The following PRKG1 variants were observed in gnomAD, a reference collection of about 807,000 sequenced individuals.
PRKG1 encodes the protein protein kinase cGMP-dependent 1, also known as cGMP-dependent protein kinase 1.
PRKG1 carries 35 observed loss-of-function variants against 88.1 expected under a neutral mutation model. The observed-to-expected ratio is 0.40, with a 90% CI of 0.30 to 0.53. The LOEUF is 0.53. Among genes scored for constraint, PRKG1 ranks in the 20% least tolerant of loss-of-function variants. The probability of loss-of-function intolerance (pLI) is 0.59; values close to 1 mark genes in which losing one functional copy is unlikely to be tolerated. For synonymous variants in PRKG1, 303 were observed against 292.5 expected, an observed-to-expected ratio of 1.04 and a Z score of -0.37; for missense variants, 540 against 839.8, an observed-to-expected ratio of 0.64 and a Z score of 4.41.
chr10:51,798,988 T>A (rs556250477), intron 3 of PRKG1, among the ~76,000 whole-genome samples: 6 of 152,168 alleles, frequency 3.9e-5, no homozygotes, highest in Admixed American at 1.3e-4. Context: ...TCCTATCTGT[T>A]TAAGATCCTT....
chr10:51,094,221 G>C (rs1844468987), intron 1 of PRKG1, among the ~76,000 whole-genome samples: 1 of 151,698 alleles, frequency 6.6e-6, no homozygotes, highest in South Asian at 2.1e-4. Context: ...ATATATATAT[G>C]TATATATATT....
chr10:52,171,969 A>AT (rs549486089), intron 9 of PRKG1, among the ~76,000 whole-genome samples: 64 of 150,056 alleles, frequency 4.3e-4, no homozygotes, highest in African/African-American at 1.5e-3. Flanking sequence ...CGCCCGGCTA[A>AT]TTTTTTGTAT....
At chr10:51,286,864 T>C (rs1840453958) in intron 2 of PRKG1, among the ~76,000 whole-genome samples, 1 of 152,032 alleles carries the variant, frequency 6.6e-6, no homozygotes, top group Non-Finnish European at 1.5e-5. Flanking sequence ...AGCCATAGTG[T>C]TTTCTTTTGT....
chr10:51,711,325 C>A (rs1272761279), intron 3 of PRKG1, among the ~76,000 whole-genome samples: 1 of 151,580 alleles, frequency 6.6e-6, no homozygotes, highest in Non-Finnish European at 1.5e-5. Context: ...AGGATGGTCT[C>A]GATCTCATGA....
intron 2 of PRKG1, among the ~76,000 whole-genome samples, chr10:51,257,048 AC>A (rs1839579823): frequency 6.6e-6 from 1 of 152,174 alleles, no homozygotes; most frequent in Admixed American, 6.6e-5. Context: ...TGAAGAATTG[AC>A]AGGACAAGAT....
At chr10:51,952,873 A>T (rs372696513) in intron 5 of PRKG1, among the ~76,000 whole-genome samples, 2 of 152,210 alleles carry the variant, frequency 1.3e-5, no homozygotes, top group East Asian at 3.9e-4. Context: ...AGCAGTATTT[A>T]TCTTAACCAT....
chr10:51,360,858 T>C (rs538249962), intron 2 of PRKG1, among the ~76,000 whole-genome samples: 1 of 151,914 alleles, frequency 6.6e-6, no homozygotes, highest in African/African-American at 2.4e-5. Context: ...GAGGTGAGAT[T>C]TGTCTCTGAA....
chr10:51,160,874 T>TTGTGTGTG (rs781290669), intron 2 of PRKG1, among the ~76,000 whole-genome samples: 3,255 of 100,252 alleles, frequency 0.032, 63 homozygotes, highest in Middle Eastern at 0.044. Flanking sequence ...TTCTTCATGC[T>TTGTGTGTG]CGTGTGTGTG....
At chr10:51,868,934 TA>T (rs1841086697) in intron 4 of PRKG1, among the ~76,000 whole-genome samples, 1 of 152,254 alleles carries the variant, frequency 6.6e-6, no homozygotes, top group African/African-American at 2.4e-5. Context: ...GAACACTGGA[TA>T]AATTTGTTTT....
chr10:51,750,579 G>A (rs550277958), intron 3 of PRKG1, among the ~76,000 whole-genome samples: 85 of 152,262 alleles, frequency 5.6e-4, no homozygotes, highest in African/African-American at 2.0e-3. Flanking sequence ...TACTGTTTCA[G>A]GCAAAACAGT....
intron 2 of PRKG1, among the ~76,000 whole-genome samples, chr10:51,185,842 A>T (rs974496731): frequency 6.6e-6 from 1 of 151,778 alleles, no homozygotes; most frequent in African/African-American, 2.4e-5. Context: ...ATGATTACAA[A>T]CTACTCTGCA....
intron 11 of PRKG1, among the ~76,000 whole-genome samples, chr10:52,271,760 C>T (rs763128892): frequency 2.6e-5 from 4 of 151,446 alleles, no homozygotes; most frequent in Admixed American, 1.3e-4. Flanking sequence ...TTTTTAAATC[C>T]CCAAACTCTA....
chr10:51,778,940 T>C (rs1838513123), intron 3 of PRKG1, among the ~76,000 whole-genome samples: 2 of 152,174 alleles, frequency 1.3e-5, no homozygotes, highest in African/African-American at 4.8e-5. Flanking sequence ...GTTTTTGTGT[T>C]TTTTGAAAAG....
intron 7 of PRKG1, among the ~76,000 whole-genome samples, chr10:52,083,673 A>G (rs974421524): frequency 6.6e-6 from 1 of 152,048 alleles, no homozygotes; most frequent in Non-Finnish European, 1.5e-5. Context: ...GATTTATGAG[A>G]GGCAAGTATA....
At chr10:52,290,880 A>G (rs1589763043) in intron 17 of PRKG1, among the ~76,000 whole-genome samples, 1 of 143,740 alleles carries the variant, frequency 7.0e-6, no homozygotes, top group Non-Finnish European at 1.5e-5. Flanking sequence ...ATAAAATAAC[A>G]CTTTTTCAAA....
chr10:51,370,498 GTGTGTGTGTGTGTA>G (rs1168853678), intron 2 of PRKG1, among the ~76,000 whole-genome samples: 3 of 115,226 alleles, frequency 2.6e-5, no homozygotes, highest in Non-Finnish European at 5.7e-5. Context: ...GAGAGAGAGT[GTGTGTGTGTGTGTA>G]TGTGTGTGTG....
chr10:51,215,515 A>C (rs990876280), intron 2 of PRKG1, among the ~76,000 whole-genome samples: 15 of 152,312 alleles, frequency 9.8e-5, no homozygotes, highest in African/African-American at 3.4e-4. Context: ...GCTGAATAGA[A>C]ACTGAGGGGC....
At chr10:51,052,397 C>T (rs1460516645) in intron 1 of PRKG1, among the ~76,000 whole-genome samples, 1 of 152,134 alleles carries the variant, frequency 6.6e-6, no homozygotes, top group Non-Finnish European at 1.5e-5. Context: ...TGGACCAATG[C>T]CCAGTTTGAA....
At chr10:52,018,646 TG>T (rs1845103815) in intron 5 of PRKG1, among the ~76,000 whole-genome samples, 1 of 152,182 alleles carries the variant, frequency 6.6e-6, no homozygotes, top group African/African-American at 2.4e-5. Flanking sequence ...GGGAATGAGG[TG>T]GCTAATATCT....
Sources: gnomAD v4.1 joint callset for allele counts (sites outside exome capture counted in the v4.1 genomes callset) on GRCh38, gnomAD v4.1.1 for gene constraint, MANE v1.5 for transcripts, NCBI Gene and HGNC (gene_info 2026-07-23, HGNC 2026-07-21) for gene names.